Variants in KCNT2 observed in about 807,000 individuals in gnomAD.
The protein encoded by KCNT2 is potassium sodium-activated channel subfamily T member 2, also known as potassium channel subfamily T member 2.
Under a neutral mutation model 153.8 loss-of-function variants are expected in KCNT2, and 67 were observed. The ratio of observed to expected loss-of-function variants is 0.44; its 90% CI spans 0.36 to 0.53. The LOEUF (loss-of-function observed/expected upper bound fraction) is 0.53, where lower values mean the gene tolerates loss of function less well. KCNT2 is among the 20% of genes least tolerant of loss of function. The pLI is 0.00. For missense variants in KCNT2, 975 were observed against 1,354.8 expected, an observed-to-expected ratio of 0.72 and a Z score of 4.40; for synonymous variants, 500 against 458.8, an observed-to-expected ratio of 1.09 and a Z score of -1.15.
chr1:196,300,640 C>G (rs778745545), intron 22 of KCNT2, among the ~76,000 whole-genome samples: 1 of 152,120 alleles, frequency 6.6e-6, no homozygotes, highest in Non-Finnish European at 1.5e-5. Flanking sequence ...CCCCCTTTGT[C>G]CAATAATAAT....
At chr1:196,514,490 G>C (rs1399618913) in intron 1 of KCNT2, among the ~76,000 whole-genome samples, 2 of 152,082 alleles carry the variant, frequency 1.3e-5, no homozygotes, top group African/African-American at 4.8e-5. Flanking sequence ...AAACACCACT[G>C]AAAAACATTT....
intron 1 of KCNT2, among the ~76,000 whole-genome samples, chr1:196,578,572 T>C (rs1661647849): frequency 6.6e-6 from 1 of 152,138 alleles, no homozygotes; most frequent in African/African-American, 2.4e-5. Flanking sequence ...TATGTTAAAG[T>C]CTACCTACTG....
chr1:196,265,819 G>A (rs1022039211), intron 25 of KCNT2, among the ~76,000 whole-genome samples: 1 of 152,136 alleles, frequency 6.6e-6, no homozygotes, highest in African/African-American at 2.4e-5. Context: ...ATGGGACTCT[G>A]TGGCATACCC....
intron 16 of KCNT2, among the ~76,000 whole-genome samples, chr1:196,339,205 AC>A (rs1354828489): frequency 2.0e-5 from 3 of 152,054 alleles, no homozygotes; most frequent in Non-Finnish European, 4.4e-5. Flanking sequence ...ATGAATGTGC[AC>A]AAAGCAGAAA....
At chr1:196,568,145 C>T (rs1353875149) in intron 1 of KCNT2, among the ~76,000 whole-genome samples, 6 of 152,086 alleles carry the variant, frequency 3.9e-5, no homozygotes, top group Non-Finnish European at 8.8e-5. Flanking sequence ...TTTTTGGCAC[C>T]AGAGACTAGT....
intron 14 of KCNT2, among the ~76,000 whole-genome samples, chr1:196,362,208 T>G: frequency 6.6e-6 from 1 of 152,126 alleles, no homozygotes; most frequent in East Asian, 1.9e-4. Context: ...TCATGACCGC[T>G]GATTCCCTGG....
At chr1:196,401,680 T>A (rs1671426720) in intron 12 of KCNT2, among the ~76,000 whole-genome samples, 1 of 151,574 alleles carries the variant, frequency 6.6e-6, no homozygotes, top group Non-Finnish European at 1.5e-5. Flanking sequence ...GGAACAGAGT[T>A]CAGGAACTTG....
intron 12 of KCNT2, among the ~76,000 whole-genome samples, chr1:196,422,158 G>A (rs1673263612): frequency 6.6e-6 from 1 of 152,028 alleles, no homozygotes; most frequent in South Asian, 2.1e-4. Context: ...AAATGGATAA[G>A]TAGTTTAGGT....
At chr1:196,284,804 A>G (rs560461828) in intron 23 of KCNT2, among the ~76,000 whole-genome samples, 52 of 152,318 alleles carry the variant, frequency 3.4e-4, no homozygotes, top group South Asian at 1.2e-3. Context: ...CATGGGCAAA[A>G]TTAGCCCAAA....
At chr1:196,327,321 A>G (rs919757026) in intron 18 of KCNT2, among the ~76,000 whole-genome samples, 1 of 152,012 alleles carries the variant, frequency 6.6e-6, no homozygotes, top group Non-Finnish European at 1.5e-5. Context: ...GTGAAAAAAA[A>G]AACCAAAAAA....
intron 8 of KCNT2, among the ~76,000 whole-genome samples, chr1:196,464,129 G>T (rs1677398293): frequency 6.6e-6 from 1 of 151,636 alleles, no homozygotes; most frequent in African/African-American, 2.4e-5. Context: ...CTCCTAAGTT[G>T]CCCAAATAAT....
At chr1:196,485,279 C>A (rs942139179) in intron 3 of KCNT2, among the ~76,000 whole-genome samples, 1 of 151,908 alleles carries the variant, frequency 6.6e-6, no homozygotes, top group African/African-American at 2.4e-5. Context: ...GGGAACAACA[C>A]ATACCAAGGC....
chr1:196,284,248 A>AAAATATATAT, intron 23 of KCNT2, among the ~76,000 whole-genome samples: 11 of 10,048 alleles, frequency 1.1e-3, no homozygotes, highest in African/African-American at 1.5e-3. Flanking sequence ...AAAAAAAAAA[A>AAAATATATAT]ATATATATAT....
chr1:196,402,083 A>T (rs1434955213), intron 12 of KCNT2, among the ~76,000 whole-genome samples: 1 of 151,456 alleles, frequency 6.6e-6, no homozygotes, highest in Non-Finnish European at 1.5e-5. Flanking sequence ...TCAAAGAGGA[A>T]GGTGAAATAA....
intron 5 of KCNT2, among the ~76,000 whole-genome samples, chr1:196,472,952 C>T (rs1350217960): frequency 1.3e-5 from 2 of 152,160 alleles, no homozygotes; most frequent in Non-Finnish European, 2.9e-5. Flanking sequence ...TATTCAGATA[C>T]TTACAAAACA....
intron 1 of KCNT2, among the ~76,000 whole-genome samples, chr1:196,551,577 C>G (rs560439318): frequency 5.3e-5 from 8 of 151,732 alleles, no homozygotes; most frequent in East Asian, 3.9e-4. Context: ...TCTTCTATTC[C>G]TTAGAGAGAC....
At chr1:196,514,543 A>G (rs1009055865) in intron 1 of KCNT2, among the ~76,000 whole-genome samples, 12 of 152,182 alleles carry the variant, frequency 7.9e-5, no homozygotes, top group Admixed American at 2.6e-4. Flanking sequence ...CTTCACAAAA[A>G]TTACAGTTAA....
chr1:196,314,066 G>A (rs1662462666), intron 21 of KCNT2, among the ~76,000 whole-genome samples: 1 of 151,494 alleles, frequency 6.6e-6, no homozygotes, highest in Non-Finnish European at 1.5e-5. Context: ...ACTATGGTGA[G>A]TTAATTTGTT....
At chr1:196,270,828 G>GGT (rs10641279) in intron 25 of KCNT2, among the ~76,000 whole-genome samples, 18,699 of 147,936 alleles carry the variant, frequency 0.13, 1,677 homozygotes, top group African/African-American at 0.27. Flanking sequence ...TCAACATGCA[G>GGT]GTGTGTGTGT....
Sources: allele counts gnomAD v4.1 joint callset (sites outside exome capture counted in the v4.1 genomes callset), GRCh38; gene constraint gnomAD v4.1.1; transcripts MANE v1.5; gene names NCBI Gene and HGNC (gene_info 2026-07-23, HGNC 2026-07-21).